Variants in GRIP1 observed in about 807,000 individuals in gnomAD.
GRIP1 encodes glutamate receptor-interacting protein 1.
A neutral mutation model predicts 129.9 loss-of-function variants in GRIP1; 45 were observed. The observed-to-expected ratio is 0.35, with a 90% CI of 0.27 to 0.44. The LOEUF (loss-of-function observed/expected upper bound fraction) is 0.44, where lower values mean the gene tolerates loss of function less well. Among genes scored for constraint, GRIP1 ranks in the 20% least tolerant of loss-of-function variants. The pLI, the probability that GRIP1 is intolerant of heterozygous loss-of-function variation, is 1.00. For missense variants in GRIP1, 1,196 were observed against 1,396.8 expected (o/e 0.86, Z 2.29); for synonymous variants, 530 against 520.8 (o/e 1.02, Z -0.24).
chr12:66,597,320 C>T (rs2064092303), intron 1 of GRIP1, among the ~76,000 whole-genome samples: 1 of 151,956 alleles, frequency 6.6e-6, no homozygotes, highest in South Asian at 2.1e-4. Context: ...GTTCAATGGG[C>T]ACTAAGAATA....
At chr12:66,865,431 AAGAC>A (rs1484638805) in intron 1 of GRIP1, among the ~76,000 whole-genome samples, 3 of 152,068 alleles carry the variant, frequency 2.0e-5, no homozygotes, top group African/African-American at 7.2e-5. Flanking sequence ...AGAAGCCAAT[AAGAC>A]AGACTATCTA....
chr12:66,578,761 C>A (rs1336948384), intron 2 of GRIP1, among the ~76,000 whole-genome samples: 1 of 152,144 alleles, frequency 6.6e-6, no homozygotes, highest in African/African-American at 2.4e-5. Flanking sequence ...CGGGAAGCTC[C>A]AACGGGGTGG....
At chr12:66,765,194 T>C (rs2037596085) in intron 1 of GRIP1, among the ~76,000 whole-genome samples, 1 of 152,182 alleles carries the variant, frequency 6.6e-6, no homozygotes, top group Non-Finnish European at 1.5e-5. Context: ...TTCATCTGCC[T>C]GGTGATGATA....
chr12:66,540,151 G>A (rs2061730515), intron 3 of GRIP1, among the ~76,000 whole-genome samples: 2 of 152,148 alleles, frequency 1.3e-5, no homozygotes, highest in African/African-American at 4.8e-5. Context: ...CTTCTGTGCT[G>A]TTGCTTTTTG....
At chr12:66,907,537 G>C (rs1447472618) in intron 1 of GRIP1, among the ~76,000 whole-genome samples, 1 of 152,156 alleles carries the variant, frequency 6.6e-6, no homozygotes, top group Admixed American at 6.5e-5. Context: ...AGGAAGCAGA[G>C]GCAAGTTGAG....
At chr12:66,433,862 G>A (rs2058223103) in intron 13 of GRIP1, among the ~76,000 whole-genome samples, 2 of 152,154 alleles carry the variant, frequency 1.3e-5, no homozygotes, top group African/African-American at 4.8e-5. Flanking sequence ...TTGACTCAAG[G>A]CAGGTGCCTA....
chr12:67,041,247 T>C (rs538167605), intron 1 of GRIP1, among the ~76,000 whole-genome samples: 12 of 152,026 alleles, frequency 7.9e-5, no homozygotes, highest in Non-Finnish European at 1.8e-4. Flanking sequence ...TATGCACATA[T>C]ATGCATATAT....
intron 2 of GRIP1, among the ~76,000 whole-genome samples, chr12:66,577,973 A>G (rs1289645544): frequency 6.6e-6 from 1 of 152,180 alleles, no homozygotes; most frequent in Non-Finnish European, 1.5e-5. Flanking sequence ...CAACCAATCA[A>G]CAAAACAAAT....
At chr12:66,992,728 G>A (rs2042411494) in intron 1 of GRIP1, among the ~76,000 whole-genome samples, 1 of 152,172 alleles carries the variant, frequency 6.6e-6, no homozygotes, top group Non-Finnish European at 1.5e-5. Flanking sequence ...TCTGACCACA[G>A]TGGAACAAAA....
chr12:66,668,246 TTC>T (rs1303689326), intron 1 of GRIP1, among the ~76,000 whole-genome samples: 1 of 152,320 alleles, frequency 6.6e-6, no homozygotes, highest in East Asian at 1.9e-4. Context: ...CTCTGATACT[TTC>T]TGAGTCTTCA....
At chr12:66,374,809 T>C (rs531080558) in intron 22 of GRIP1, among the ~76,000 whole-genome samples, 103 of 152,296 alleles carry the variant, frequency 6.8e-4, no homozygotes, top group African/African-American at 2.4e-3. Flanking sequence ...AGTATGTGAA[T>C]CTGTACAGTA....
At chr12:66,792,519 A>G (rs946808780) in intron 1 of GRIP1, among the ~76,000 whole-genome samples, 1 of 152,182 alleles carries the variant, frequency 6.6e-6, no homozygotes, top group African/African-American at 2.4e-5. Flanking sequence ...AGCCTGGGCA[A>G]TATGGCAAAA....
intron 1 of GRIP1, among the ~76,000 whole-genome samples, chr12:66,700,884 CA>C (rs931357271): frequency 1.1e-4 from 17 of 152,076 alleles, no homozygotes; most frequent in African/African-American, 3.6e-4. Context: ...CTTTCCAACC[CA>C]TTCTGAATCC....
chr12:66,596,742 TTTATTA>T (rs910067759), intron 2 of GRIP1, 99 bp downstream of exon 2: 65 of 546,460 alleles, frequency 1.2e-4, no homozygotes, highest in South Asian at 2.0e-4. Flanking sequence ...AATAACATGA[TTTATTA>T]TTATTATTAT....
chr12:67,016,130 A>AAAGATTTT (rs1244070752), intron 1 of GRIP1, among the ~76,000 whole-genome samples: 1 of 152,242 alleles, frequency 6.6e-6, no homozygotes, highest in African/African-American at 2.4e-5. Flanking sequence ...ATGCACTGAC[A>AAAGATTTT]CTGTTCTTTG....
At chr12:66,847,566 C>A (rs2039840048) in intron 1 of GRIP1, among the ~76,000 whole-genome samples, 1 of 152,014 alleles carries the variant, frequency 6.6e-6, no homozygotes, top group Non-Finnish European at 1.5e-5. Context: ...ACATATAGTA[C>A]TTATGTATGT....
intron 1 of GRIP1, among the ~76,000 whole-genome samples, chr12:66,858,417 C>A (rs145773598): frequency 6.6e-6 from 1 of 151,892 alleles, no homozygotes; most frequent in South Asian, 2.1e-4. Flanking sequence ...CCTGGAACTA[C>A]TCTTAAAAAT....
At chr12:66,694,507 G>A (rs2035086705) in intron 1 of GRIP1, among the ~76,000 whole-genome samples, 1 of 152,058 alleles carries the variant, frequency 6.6e-6, no homozygotes, top group African/African-American at 2.4e-5. Context: ...CCAGCTCACA[G>A]TAAATGCTCA....
chr12:66,646,842 G>A (rs1311595626), intron 1 of GRIP1, among the ~76,000 whole-genome samples: 2 of 152,206 alleles, frequency 1.3e-5, no homozygotes, highest in Non-Finnish European at 1.5e-5. Flanking sequence ...GCTGAAAGGA[G>A]TAGAATTCAG....
Sources: allele counts gnomAD v4.1 joint callset (sites outside exome capture counted in the v4.1 genomes callset), GRCh38; gene constraint gnomAD v4.1.1; transcripts MANE v1.5; gene names NCBI Gene and HGNC (gene_info 2026-07-23, HGNC 2026-07-21).